DEPTOR: variants seen among roughly 807,000 people sequenced by gnomAD.
DEPTOR encodes DEP domain containing MTOR interacting protein, also known as DEP domain-containing mTOR-interacting protein.
A neutral mutation model predicts 41.6 loss-of-function variants in DEPTOR; 41 were observed. The observed-to-expected ratio is 0.98, with a 90% CI of 0.77 to 1.28. DEPTOR has a LOEUF of 1.28. DEPTOR is among the 50% of genes most tolerant of loss of function. The pLI is 0.00. For missense variants in DEPTOR, 514 were observed against 527.9 expected (o/e 0.97, Z 0.26); for synonymous variants, 195 against 192.3 (o/e 1.01, Z -0.12).
chr8:119,981,142 G>A (rs1017510005), intron 4 of DEPTOR, among the ~76,000 whole-genome samples: 2 of 152,158 alleles, frequency 1.3e-5, no homozygotes, highest in African/African-American at 4.8e-5. Context: ...TGGCCTCCAT[G>A]AGAAACAATT....
At chr8:120,015,011 A>G (rs751412656) in intron 8 of DEPTOR, among the ~76,000 whole-genome samples, 44 of 152,182 alleles carry the variant, frequency 2.9e-4, no homozygotes, top group Middle Eastern at 3.4e-3. Context: ...TGCTTTAGTC[A>G]GGGAGAATTT....
intron 4 of DEPTOR, among the ~76,000 whole-genome samples, chr8:119,969,360 G>GTTT (rs987720059): frequency 7.1e-6 from 1 of 141,438 alleles, no homozygotes; most frequent in African/African-American, 2.6e-5. Flanking sequence ...GTTTTTTTTT[G>GTTT]TTTTTTTTTT....
intron 4 of DEPTOR, among the ~76,000 whole-genome samples, chr8:119,965,764 A>G (rs1828550869): frequency 6.6e-6 from 1 of 152,226 alleles, no homozygotes; most frequent in African/African-American, 2.4e-5. Flanking sequence ...CATGAAGTCA[A>G]GTATAATATG....
intron 8 of DEPTOR, among the ~76,000 whole-genome samples, chr8:120,031,606 G>A (rs989305096): frequency 6.6e-6 from 1 of 151,998 alleles, no homozygotes; most frequent in Non-Finnish European, 1.5e-5. Flanking sequence ...CAGAGCTCCT[G>A]CCCATATTCC....
At position 120,045,516 on chromosome 8, in the gene DEPTOR, G is replaced by A. The variant is rs532627527; in HGVS notation, c.1102-4060G>A. ...CCCCCAAGTAGCTGGGACTACTGGC[G>A]TGTGCCACCACACCTGGCTAATTTT... On this transcript the variant is annotated intron_variant, in intron 8 of 8. Coordinates refer to ENST00000286234, the MANE Select transcript of DEPTOR (RefSeq NM_022783.4). Among the ~76,000 whole-genome samples the A allele has an allele frequency of 3.0e-4, 45 of 152,198 alleles. 1 individual carries two copies. The highest frequency in any genetic ancestry group is 1.0e-3 in the South Asian group (5 of 4,826).
chr8:120,024,692 A>G (rs1812772672), intron 8 of DEPTOR, among the ~76,000 whole-genome samples: 1 of 152,194 alleles, frequency 6.6e-6, no homozygotes, highest in South Asian at 2.1e-4. Flanking sequence ...GCTGGAAGAC[A>G]CAAGGAAGGA....
intron 4 of DEPTOR, among the ~76,000 whole-genome samples, chr8:119,981,606 A>G (rs1461980418): frequency 6.6e-6 from 1 of 150,764 alleles, no homozygotes; most frequent in Non-Finnish European, 1.5e-5. Flanking sequence ...TGCAGAGAGC[A>G]GTGATTGTGC....
At chr8:120,019,780 C>T (rs1812670685) in intron 8 of DEPTOR, among the ~76,000 whole-genome samples, 1 of 152,138 alleles carries the variant, frequency 6.6e-6, no homozygotes, top group South Asian at 2.1e-4. Context: ...AATAATTCTT[C>T]AGTCTTAGAA....
At chr8:119,942,265 T>C (rs1294498119) in intron 3 of DEPTOR, among the ~76,000 whole-genome samples, 2 of 152,236 alleles carry the variant, frequency 1.3e-5, no homozygotes, top group African/African-American at 4.8e-5. Context: ...TATGGTGGCA[T>C]GATCTTGGCT....
intron 1 of DEPTOR, among the ~76,000 whole-genome samples, chr8:119,923,764 T>G (rs1416234534): frequency 6.6e-6 from 1 of 152,136 alleles, no homozygotes; most frequent in African/African-American, 2.4e-5. Context: ...TTTAAAATTT[T>G]TTATAGTTCA....
chr8:120,003,163 G>T, intron 6 of DEPTOR, 52 bp downstream of exon 6: 1 of 1,588,290 alleles, frequency 6.3e-7, no homozygotes, highest in Non-Finnish European at 8.6e-7. Flanking sequence ...ACTTGGGCAG[G>T]TCCCTGGGAA....
chr8:119,879,490 TCA>T (rs1827271477), intron 1 of DEPTOR, among the ~76,000 whole-genome samples: 1 of 152,138 alleles, frequency 6.6e-6, no homozygotes, highest in African/African-American at 2.4e-5. Context: ...GGTGGGTGGA[TCA>T]CCTGAGATCA....
At chr8:119,998,110 G>C (rs1436588587) in intron 4 of DEPTOR, among the ~76,000 whole-genome samples, 1 of 152,146 alleles carries the variant, frequency 6.6e-6, no homozygotes, top group Non-Finnish European at 1.5e-5. Flanking sequence ...CAAAAAAATA[G>C]TGGAGTCTTG....
chr8:119,986,574 G>C (rs1828833263), intron 4 of DEPTOR, among the ~76,000 whole-genome samples: 1 of 152,102 alleles, frequency 6.6e-6, no homozygotes, highest in Non-Finnish European at 1.5e-5. Flanking sequence ...ATGTTGGCCT[G>C]TCTTGGTAGG....
At position 120,001,597 on chromosome 8, in the gene DEPTOR, G is replaced by T. The variant is rs1237176593; in HGVS notation, c.677G>T (p.Arg226Ile). ...QFRMNFRRRR[R>I]LMELLNEKSP... ...AGAATGAACTTCCGGCGGAGGCGAA[G>T]ACTGATGGAGCTGCTCAATGAAAAG... Residue 226 changes from arginine to isoleucine, a missense_variant, in exon 5 of 9, where the codon AGA (arginine) becomes ATA (isoleucine). Arg to Ile is a moderately conservative substitution (Grantham distance 97, BLOSUM62 -3). Coordinates refer to ENST00000286234, the MANE Select transcript of DEPTOR (RefSeq NM_022783.4). 6.2e-7 allele frequency: 1 copy of T among 1,613,784 alleles called. No individual in the cohort carries two copies. The highest frequency in any genetic ancestry group is 1.3e-5 in the African/African-American group (1 of 74,822).
intron 3 of DEPTOR, among the ~76,000 whole-genome samples, chr8:119,944,866 G>A (rs1187767710): frequency 6.6e-6 from 1 of 152,032 alleles, no homozygotes; most frequent in Non-Finnish European, 1.5e-5. Context: ...ATGTTGGCCA[G>A]GATGGTCTCA....
chr8:120,011,164 C>T (rs1812526790), intron 8 of DEPTOR, among the ~76,000 whole-genome samples: 1 of 152,150 alleles, frequency 6.6e-6, no homozygotes, highest in South Asian at 2.1e-4. Context: ...AAGTGGGCAA[C>T]AGAAAATGGC....
intron 1 of DEPTOR, chr8:119,874,311 T>G: frequency 3.1e-6 from 1 of 322,006 alleles, no homozygotes; most frequent in Middle Eastern, 9.7e-4. Flanking sequence ...GCCTCCCGGC[T>G]GACAGCCTGC....
chr8:120,030,385 G>A (rs1279859057), intron 8 of DEPTOR, among the ~76,000 whole-genome samples: 1 of 151,780 alleles, frequency 6.6e-6, no homozygotes, highest in East Asian at 1.9e-4. Flanking sequence ...CTATAATGGT[G>A]GGTACCGGTC....
Sources: gnomAD v4.1 joint callset for allele counts (sites outside exome capture counted in the v4.1 genomes callset) on GRCh38, gnomAD v4.1.1 for gene constraint, MANE v1.5 for transcripts, NCBI Gene and HGNC (gene_info 2026-07-23, HGNC 2026-07-21) for gene names.